Variants in TMEM204 observed in about 807,000 individuals in gnomAD.
TMEM204 encodes claudin-like protein 24.
TMEM204 carries 15 observed loss-of-function variants against 19.4 expected under a neutral mutation model. The ratio of observed to expected loss-of-function variants is 0.77; its 90% CI spans 0.52 to 1.19. TMEM204 has a LOEUF of 1.19. TMEM204 is among the 50% of genes most tolerant of loss of function. The pLI, the probability that TMEM204 is intolerant of heterozygous loss-of-function variation, is 0.00. For missense variants in TMEM204, 287 were observed against 321.2 expected, an observed-to-expected ratio of 0.89 and a Z score of 0.81; for synonymous variants, 161 against 146.0, an observed-to-expected ratio of 1.10 and a Z score of -0.74.
chr16:1,530,133 CTTTTTTTTTTT>C (rs922819138), upstream of TMEM204, among the ~76,000 whole-genome samples: 10 of 88,586 alleles, frequency 1.1e-4, no homozygotes, highest in Non-Finnish European at 1.6e-4. Context: ...CGACGGGAAT[CTTTTTTTTTTT>C]TTTTTTTTTT....
intron 2 of TMEM204, among the ~76,000 whole-genome samples, chr16:1,547,084 T>C (rs1345809586): frequency 1.3e-5 from 2 of 152,264 alleles, no homozygotes; most frequent in Non-Finnish European, 2.9e-5. Flanking sequence ...GTGGGCATGA[T>C]GCCGAAGGCT....
At chr16:1,552,772 T>C (rs748156293) in intron 2 of TMEM204, 19 of 160,168 alleles carry the variant, frequency 1.2e-4, no homozygotes, top group Non-Finnish European at 1.7e-4. Flanking sequence ...TTCAGTCTCC[T>C]GAGTAACTGG....
chr16:1,541,310 A>G, intron 1 of TMEM204: 2 of 985,204 alleles, frequency 2.0e-6, no homozygotes, highest in Non-Finnish European at 2.4e-6. Context: ...ACTGGTTCAG[A>G]CCCATGTCTG....
At chr16:1,541,794 A>T (rs1040006557) in intron 1 of TMEM204, 127 bp from the exon 2 acceptor site, 1 of 1,176,046 alleles carries the variant, frequency 8.5e-7, no homozygotes. Flanking sequence ...CCACTGCCCA[A>T]TGGAGGCACA....
rs1197350109 is a variant in TMEM204 at position 1,534,132 on chromosome 16, A to G, written c.-144A>G. 1.9e-6 allele frequency: 2 copies of G among 1,039,964 alleles called. No homozygotes were observed. The highest frequency in any genetic ancestry group is 2.7e-6 in the Non-Finnish European group (2 of 738,304). 64.4% of individuals were successfully genotyped at this position (1,039,964 alleles called of 1,614,324 possible). A position where few individuals can be genotyped will look rare whatever the true frequency, so the allele number is the denominator to read the frequency against. On this transcript the variant is annotated 5_prime_UTR_variant, in exon 1 of 3. Transcript: ENST00000566264. ...GGCCGAGAGGCGGCACACCTGGACC[A>G]TCCCATGGGCCTCCGCCCGCGCCGC...
intron 2 of TMEM204, among the ~76,000 whole-genome samples, chr16:1,544,184 ATT>A (rs1237730678): frequency 8.7e-5 from 10 of 115,098 alleles, no homozygotes; most frequent in Non-Finnish European, 9.1e-5. Context: ...CGCCCCACTA[ATT>A]TTTTTTTTTT....
intron 1 of TMEM204, among the ~76,000 whole-genome samples, chr16:1,537,229 A>G (rs1481085721): frequency 1.3e-5 from 2 of 152,190 alleles, no homozygotes; most frequent in African/African-American, 4.8e-5. Flanking sequence ...CACGCAGGCC[A>G]GGGAAGACAA....
intron 2 of TMEM204, among the ~76,000 whole-genome samples, chr16:1,544,287 C>T (rs2031944659): frequency 6.6e-6 from 1 of 151,694 alleles, no homozygotes; most frequent in African/African-American, 2.4e-5. Context: ...GGGTTCACGC[C>T]ATTCTCCTGC....
At chr16:1,539,760 G>A (rs2031448444) in intron 1 of TMEM204, among the ~76,000 whole-genome samples, 1 of 152,222 alleles carries the variant, frequency 6.6e-6, no homozygotes, top group African/African-American at 2.4e-5. Context: ...TGTCAGTGGT[G>A]CCTGCCTGTC....
At chr16:1,530,131 A>ATTTTTTTT (rs2030295926), upstream of TMEM204, among the ~76,000 whole-genome samples, 1 of 126,540 alleles carries the variant, frequency 7.9e-6, no homozygotes, top group African/African-American at 3.7e-5. Flanking sequence ...CACGACGGGA[A>ATTTTTTTT]TCTTTTTTTT....
intron 2 of TMEM204, among the ~76,000 whole-genome samples, chr16:1,544,149 G>A (rs2141313996): frequency 6.8e-6 from 1 of 147,314 alleles, no homozygotes; most frequent in African/African-American, 2.5e-5. Flanking sequence ...TCCCGTGTAG[G>A]TGGGATTGCA....
Position 1,534,068 on chromosome 16 carries a change from C to T in TMEM204, c.-208C>T, listed in dbSNP as rs949548134. On this transcript the variant is annotated 5_prime_UTR_variant, in exon 1 of 3. Transcript: ENST00000566264. ...CCGAGGCGAGCAGCTTCAGCACAGGCCTGGCCCTGCTCCAGGTGCAGGAAG... is the reference window on the plus strand; with the variant it reads ...CCGAGGCGAGCAGCTTCAGCACAGGTCTGGCCCTGCTCCAGGTGCAGGAAG... 2.9e-5 allele frequency: 18 copies of T among 619,794 alleles called. No homozygotes were observed. The highest frequency in any genetic ancestry group is 1.2e-4 in the African/African-American group (6 of 51,996). The allele number at this position is 619,794 out of a possible 1,614,324, so 38.4% of individuals were successfully genotyped here.
rs1310819575 is a variant in TMEM204, at chr16:1,553,468, G to T, written c.437-1314G>T. 1.0e-6 allele frequency: 1 copy of T among 985,346 alleles called. No individual in the cohort carries two copies. The highest frequency in any genetic ancestry group is 1.7e-5 in the African/African-American group (1 of 57,246). The allele number at this position is 985,346 out of a possible 1,614,324, so 61.0% of individuals were successfully genotyped here. Reference sequence around the variant, plus strand: ...CAGACGCACAGGTGTCAACATGCAGGCCAGGCGGAGGGACAGCAGTGGGGC... The same window carrying T: ...CAGACGCACAGGTGTCAACATGCAGTCCAGGCGGAGGGACAGCAGTGGGGC... On this transcript the variant is annotated intron_variant, in intron 2 of 2. Coordinates refer to ENST00000566264, the MANE Select transcript of TMEM204 (RefSeq NM_024600.6). The surrounding 1 kb of genome is among the most constrained non-coding windows in gnomAD (Gnocchi z 4.4).
chr16:1,529,961 C>A (rs141990436), upstream of TMEM204, among the ~76,000 whole-genome samples: 1 of 151,958 alleles, frequency 6.6e-6, no homozygotes, highest in South Asian at 2.1e-4. Flanking sequence ...TTCTACAGAT[C>A]GGATGGAAGG....
At chr16:1,548,291 C>T (rs1399348981) in intron 2 of TMEM204, among the ~76,000 whole-genome samples, 1 of 152,206 alleles carries the variant, frequency 6.6e-6, no homozygotes, top group South Asian at 2.1e-4. Context: ...GGGGTCAGCC[C>T]TGGGGTCTTT....
chr16:1,549,534 A>T (rs1233196192), intron 2 of TMEM204, among the ~76,000 whole-genome samples: 1 of 152,156 alleles, frequency 6.6e-6, no homozygotes, highest in Non-Finnish European at 1.5e-5. Context: ...CGGGTTCAAG[A>T]AATTCTCCTG....
At chr16:1,531,508 T>C (rs1198633293), upstream of TMEM204, 1 of 152,236 alleles carries the variant, frequency 6.6e-6, no homozygotes, top group African/African-American at 2.4e-5. The surrounding 1 kb of genome is among the most constrained non-coding windows in gnomAD (Gnocchi z 4.7). Flanking sequence ...GACTCCACCG[T>C]GACCAAGACC....
intron 2 of TMEM204, among the ~76,000 whole-genome samples, chr16:1,547,956 G>A (rs1567355486): frequency 2.0e-5 from 3 of 152,186 alleles, no homozygotes; most frequent in Non-Finnish European, 2.9e-5. Flanking sequence ...GGATGAAGGT[G>A]TGGGCCACTG....
intron 2 of TMEM204, among the ~76,000 whole-genome samples, chr16:1,545,154 CG>C (rs1487914998): frequency 6.6e-6 from 1 of 152,218 alleles, no homozygotes; most frequent in East Asian, 1.9e-4. Flanking sequence ...ACAGCATTCC[CG>C]GGGGACAGGG....
Sources: gnomAD v4.1 joint callset for allele counts (sites outside exome capture counted in the v4.1 genomes callset) on GRCh38, gnomAD v4.1.1 for gene constraint, Gnocchi (gnomAD v3.1) non-coding constraint, MANE v1.5 for transcripts, NCBI Gene and HGNC (gene_info 2026-07-23, HGNC 2026-07-21) for gene names.